RGS6: variants seen among roughly 807,000 people sequenced by gnomAD.
The protein encoded by RGS6 is regulator of G-protein signaling 6.
In RGS6, 30 loss-of-function variants were observed where a neutral mutation model predicts 78.5. The observed-to-expected ratio is 0.38, with a 90% CI of 0.29 to 0.52. RGS6 has a LOEUF of 0.52. RGS6 is among the 20% of genes least tolerant of loss of function. RGS6 has a pLI of 0.85. For missense variants in RGS6, 495 were observed against 609.7 expected (o/e 0.81, Z 1.98); for synonymous variants, 206 against 206.0 (o/e 1.00, Z 0.00).
intron 2 of RGS6, among the ~76,000 whole-genome samples, chr14:72,207,863 C>G (rs779750975): frequency 2.6e-5 from 4 of 152,184 alleles, no homozygotes; most frequent in African/African-American, 4.8e-5. Flanking sequence ...TATCATGATT[C>G]ATCATCTATT....
intron 17 of RGS6, chr14:72,541,321 T>G (rs554671574): frequency 3.7e-6 from 5 of 1,342,014 alleles, no homozygotes; most frequent in Admixed American, 4.8e-5. Flanking sequence ...CGTAGCTAGA[T>G]GCATTTTAAG....
the RGS6 span, among the ~76,000 whole-genome samples, chr14:71,877,943 G>C: frequency 4.6e-5 from 7 of 152,176 alleles, no homozygotes; most frequent in Non-Finnish European, 1.0e-4. Context: ...GTTTGCTGGA[G>C]GTCCACTCCA....
At chr14:72,137,512 A>G (rs530414694) in intron 2 of RGS6, among the ~76,000 whole-genome samples, 107 of 152,338 alleles carry the variant, frequency 7.0e-4, no homozygotes, top group Non-Finnish European at 1.2e-3. Context: ...TGTGGTCTGT[A>G]CTTCTGAGCA....
At chr14:72,259,656 C>T (rs1431047195) in intron 2 of RGS6, among the ~76,000 whole-genome samples, 1 of 152,064 alleles carries the variant, frequency 6.6e-6, no homozygotes, top group Non-Finnish European at 1.5e-5. Context: ...GCCTGTAATC[C>T]CAGCACTTTG....
At chr14:71,914,450 T>A in the RGS6 span, among the ~76,000 whole-genome samples, 1 of 152,226 alleles carries the variant, frequency 6.6e-6, no homozygotes, top group East Asian at 1.9e-4. Flanking sequence ...AGATTTTTCA[T>A]GGACCCTGGT....
intron 1 of RGS6, among the ~76,000 whole-genome samples, chr14:71,964,537 A>G (rs1056555002): frequency 4.6e-5 from 7 of 152,288 alleles, no homozygotes; most frequent in African/African-American, 1.4e-4. Flanking sequence ...ACTGCTGTAT[A>G]TTCACTCCTG....
the RGS6 span, among the ~76,000 whole-genome samples, chr14:72,622,436 A>G: frequency 6.6e-6 from 1 of 152,182 alleles, no homozygotes; most frequent in Admixed American, 6.5e-5. Flanking sequence ...GGGATAATAC[A>G]AGGAGAAACA....
intron 3 of RGS6, among the ~76,000 whole-genome samples, chr14:72,370,628 A>G (rs2083316156): frequency 1.3e-5 from 2 of 152,206 alleles, no homozygotes; most frequent in African/African-American, 4.8e-5. Context: ...AAACAAATTT[A>G]TGATGGGCAG....
At chr14:72,142,821 T>C (rs2096558237) in intron 2 of RGS6, among the ~76,000 whole-genome samples, 1 of 152,172 alleles carries the variant, frequency 6.6e-6, no homozygotes, top group African/African-American at 2.4e-5. Context: ...GCAGATGGTT[T>C]AAGGGGTTCT....
At chr14:72,236,070 TCA>T (rs2050931112) in intron 2 of RGS6, among the ~76,000 whole-genome samples, 1 of 152,240 alleles carries the variant, frequency 6.6e-6, no homozygotes, top group Admixed American at 6.5e-5. Flanking sequence ...GCTGTGTTTA[TCA>T]CACACTTTCA....
chr14:72,087,619 A>G (rs1227478829), intron 2 of RGS6, among the ~76,000 whole-genome samples: 1 of 149,682 alleles, frequency 6.7e-6, no homozygotes, highest in Non-Finnish European at 1.5e-5. Context: ...GCAAACTTCA[A>G]CAATATACTT....
intron 2 of RGS6, among the ~76,000 whole-genome samples, chr14:72,169,920 C>A (rs904342804): frequency 2.0e-5 from 3 of 152,116 alleles, no homozygotes; most frequent in African/African-American, 7.2e-5. Flanking sequence ...CCAGGTAATA[C>A]CTATGCTCAT....
intron 2 of RGS6, among the ~76,000 whole-genome samples, chr14:71,999,659 C>A (rs1050878103): frequency 3.0e-5 from 3 of 100,556 alleles, no homozygotes; most frequent in African/African-American, 6.0e-5. Context: ...TGGTGCTATC[C>A]CCGCAATAGA....
At chr14:72,399,622 G>C (rs1396851666) in intron 3 of RGS6, among the ~76,000 whole-genome samples, 1 of 152,118 alleles carries the variant, frequency 6.6e-6, no homozygotes, top group African/African-American at 2.4e-5. Flanking sequence ...TTTCTTCCTA[G>C]CATCAATGGT....
At chr14:72,022,703 C>G (rs1335132443) in intron 2 of RGS6, among the ~76,000 whole-genome samples, 2 of 14,440 alleles carry the variant, frequency 1.4e-4, no homozygotes, top group African/African-American at 6.4e-4. Flanking sequence ...CTGGTTCGCT[C>G]TTTCACTCTT....
rs555345981 is a variant in RGS6 at position 72,478,866 on chromosome 14, C to G, written c.854+537C>G. 2.6e-5 allele frequency among the ~76,000 whole-genome samples: 4 copies of G among 152,334 alleles called. No homozygotes were observed. The South Asian group carries it at 8.3e-4, about 32-fold the overall frequency. Reference sequence around the variant, plus strand: ...TCCACAGCGGTGTGTGTGCTTCATTCTGCACCAGTAGCTAGTTCCACTCCG... The same window carrying G: ...TCCACAGCGGTGTGTGTGCTTCATTGTGCACCAGTAGCTAGTTCCACTCCG... On this transcript the variant is annotated intron_variant, in intron 12 of 17. Coordinates refer to ENST00000553525, the MANE Select transcript of RGS6 (RefSeq NM_001204424.2).
chr14:72,054,656 T>C (rs1273920496), intron 2 of RGS6, among the ~76,000 whole-genome samples: 2 of 152,216 alleles, frequency 1.3e-5, no homozygotes, highest in East Asian at 1.9e-4. Context: ...CAATGCCTAA[T>C]CTAAGAATCA....
At chr14:72,471,877 A>G (rs1407029939) in intron 8 of RGS6, among the ~76,000 whole-genome samples, 1 of 152,232 alleles carries the variant, frequency 6.6e-6, no homozygotes, top group African/African-American at 2.4e-5. Flanking sequence ...GAGGAACGCT[A>G]ATTTGTTCTT....
At chr14:72,006,541 G>A (rs1419529613) in intron 2 of RGS6, among the ~76,000 whole-genome samples, 1 of 152,198 alleles carries the variant, frequency 6.6e-6, no homozygotes, top group Non-Finnish European at 1.5e-5. Flanking sequence ...AATAAAAAAT[G>A]GAAGCTGGCC....
Sources: allele counts gnomAD v4.1 joint callset (sites outside exome capture counted in the v4.1 genomes callset), GRCh38; gene constraint gnomAD v4.1.1; transcripts MANE v1.5; gene names NCBI Gene and HGNC (gene_info 2026-07-23, HGNC 2026-07-21).